The following CEP63 variants were observed in gnomAD, a reference collection of about 807,000 sequenced individuals.
CEP63 encodes centrosomal protein 63.
Under a neutral mutation model 89.1 loss-of-function variants are expected in CEP63, and 84 were observed. The observed-to-expected ratio is 0.94, with a 90% CI of 0.79 to 1.13. CEP63 has a LOEUF of 1.13. CEP63 is among the 50% of genes most tolerant of loss of function. CEP63 has a pLI of 0.00. For synonymous variants in CEP63, 267 were observed against 272.5 expected, an observed-to-expected ratio of 0.98 and a Z score of 0.20; for missense variants, 838 against 813.3, an observed-to-expected ratio of 1.03 and a Z score of -0.37.
the CEP63 span, chr3:134,606,937 T>C: frequency 2.0e-6 from 2 of 985,286 alleles, no homozygotes; most frequent in Non-Finnish European, 2.4e-6. Context: ...CCCTATTTTG[T>C]TTCCTTCCCC....
intron 3 of CEP63, among the ~76,000 whole-genome samples, chr3:134,522,426 G>T (rs1483418914): frequency 6.6e-6 from 1 of 152,154 alleles, no homozygotes; most frequent in Non-Finnish European, 1.5e-5. Flanking sequence ...GAGAGTGATT[G>T]TGAAGCGTTG....
rs1269821554 is a variant in CEP63 at position 134,557,391 on chromosome 3, T to G, written c.1468-751T>G. The stretch of plus-strand genomic sequence containing the variant: ...TTCATAATTTGTTTTTTTTTTTTTT[T>G]TTTTTTTTTTTTTACAGAAAAGACC... On this transcript the variant is annotated intron_variant, in intron 12 of 14. Coordinates refer to ENST00000675561, the MANE Select transcript of CEP63 (RefSeq NM_001353108.3). 2.0e-5 allele frequency among the ~76,000 whole-genome samples: 3 copies of G among 147,456 alleles called. 1 individual carries two copies. Among genetic ancestry groups the G allele is most frequent in the African/African-American group, 5.1e-5 (2 of 39,460 alleles).
chr3:134,730,187 T>G, the CEP63 span, among the ~76,000 whole-genome samples: 1 of 152,316 alleles, frequency 6.6e-6, no homozygotes, highest in African/African-American at 2.4e-5. Flanking sequence ...CAATGCAAAA[T>G]TTTTAAGTAT....
chr3:134,605,728 C>A, the CEP63 span, among the ~76,000 whole-genome samples: 3 of 152,080 alleles, frequency 2.0e-5, no homozygotes, highest in Admixed American at 2.0e-4. Context: ...AGTGACTTCC[C>A]TCTGCCCCCA....
chr3:134,746,255 T>C, the CEP63 span, among the ~76,000 whole-genome samples: 7 of 134,766 alleles, frequency 5.2e-5, no homozygotes, highest in African/African-American at 1.5e-4. Flanking sequence ...GAACTCATCC[T>C]TTTTTTTATG....
At chr3:134,713,094 C>G in the CEP63 span, among the ~76,000 whole-genome samples, 3 of 152,234 alleles carry the variant, frequency 2.0e-5, no homozygotes, top group Non-Finnish European at 4.4e-5. Context: ...AAAAACTTAA[C>G]AAACGTTTGT....
the CEP63 span, among the ~76,000 whole-genome samples, chr3:134,705,796 G>A: frequency 6.6e-6 from 1 of 152,198 alleles, no homozygotes; most frequent in Non-Finnish European, 1.5e-5. Context: ...GAGGCTGTTG[G>A]TGGGACAAGC....
intron 2 of CEP63, 89 bp from the exon 3 acceptor site, chr3:134,507,020 A>G: frequency 1.1e-6 from 1 of 890,238 alleles, no homozygotes; most frequent in Non-Finnish European, 1.8e-6. Context: ...CTTCAGGTAG[A>G]TTTACATCTG....
chr3:134,537,037 G>A, intron 5 of CEP63, 118 bp from the exon 6 acceptor site: 2 of 749,300 alleles, frequency 2.7e-6, no homozygotes, highest in South Asian at 1.4e-5. Flanking sequence ...CTCCCGCTGT[G>A]GAGAAAGGTG....
At position 134,532,448 on chromosome 3, in the gene CEP63, T is replaced by C. The variant is rs1022938479; in HGVS notation, c.319-330T>C. Among the ~76,000 whole-genome samples the C allele has an allele frequency of 7.9e-5, 12 of 152,320 alleles. No individual in the cohort carries two copies. The South Asian group carries it at 1.0e-3, about 13-fold the overall frequency. ...TATCAGTGCCCTGCAAGAGCATGGC[T>C]TGAGAATCACAGACCTAGAGGAAAG... is the stretch of plus-strand genomic sequence containing the variant. On this transcript the variant is annotated intron_variant, in intron 4 of 14. Transcript: ENST00000675561.
At chr3:134,502,942 A>G (rs747396703) in intron 2 of CEP63, among the ~76,000 whole-genome samples, 68 of 152,040 alleles carry the variant, frequency 4.5e-4, no homozygotes, top group Middle Eastern at 3.2e-3. Flanking sequence ...TCCTCTTAAC[A>G]TGGCAAAGAA....
chr3:134,575,493 C>G (rs67983303), downstream of CEP63, among the ~76,000 whole-genome samples: 8,013 of 20,588 alleles, frequency 0.39, 228 homozygotes, highest in South Asian at 0.42. Flanking sequence ...CCCTCCCTCC[C>G]TTTCTTCCTT....
intron 2 of CEP63, among the ~76,000 whole-genome samples, chr3:134,503,274 A>C (rs927704577): frequency 6.6e-6 from 1 of 151,884 alleles, no homozygotes; most frequent in African/African-American, 2.4e-5. Flanking sequence ...TCACTGACCC[A>C]GTGGTCATTC....
chr3:134,689,685 A>G, the CEP63 span, among the ~76,000 whole-genome samples: 41,737 of 151,978 alleles, frequency 0.27, 5,808 homozygotes, highest in Middle Eastern at 0.31. Flanking sequence ...AACTCCTGAC[A>G]TCAAGTGATC....
At chr3:134,779,940 C>G in the CEP63 span, 1 of 152,204 alleles carries the variant, frequency 6.6e-6, no homozygotes, top group Admixed American at 6.5e-5. Flanking sequence ...TCAGCCTGTA[C>G]TTACTCTAAT....
chr3:134,542,012 C>T (rs910466759), intron 6 of CEP63, among the ~76,000 whole-genome samples: 1 of 151,714 alleles, frequency 6.6e-6, no homozygotes, highest in African/African-American at 2.4e-5. Flanking sequence ...CTGTTGCCTA[C>T]ATAATGCAAA....
intron 2 of CEP63, among the ~76,000 whole-genome samples, chr3:134,506,707 G>A (rs1488368718): frequency 1.3e-5 from 2 of 151,970 alleles, no homozygotes; most frequent in Non-Finnish European, 2.9e-5. Context: ...ATCACCTGAG[G>A]TCAGGAGTTC....
At chr3:134,666,190 T>C in the CEP63 span, among the ~76,000 whole-genome samples, 1 of 152,144 alleles carries the variant, frequency 6.6e-6, no homozygotes, top group Non-Finnish European at 1.5e-5. Context: ...GCCAAATCCC[T>C]TCCAGCCTCA....
chr3:134,521,150 AC>A (rs1287420373), intron 3 of CEP63, among the ~76,000 whole-genome samples: 1 of 152,172 alleles, frequency 6.6e-6, no homozygotes, highest in Non-Finnish European at 1.5e-5. Context: ...TATCAAAATG[AC>A]CAGCGAGCAT....
Sources: gnomAD v4.1 joint callset for allele counts (sites outside exome capture counted in the v4.1 genomes callset) on GRCh38, gnomAD v4.1.1 for gene constraint, MANE v1.5 for transcripts, NCBI Gene and HGNC (gene_info 2026-07-23, HGNC 2026-07-21) for gene names.